The following CDYL2 variants were observed in gnomAD, a reference collection of about 807,000 sequenced individuals.
CDYL2 encodes chromodomain Y like 2.
A neutral mutation model predicts 49.4 loss-of-function variants in CDYL2; 23 were observed. That is an observed-to-expected ratio of 0.47 (90% CI 0.34 to 0.66). CDYL2 has a LOEUF of 0.66. Among genes scored for constraint, CDYL2 ranks in the 30% least tolerant of loss-of-function variants. The pLI, the probability that CDYL2 is intolerant of heterozygous loss-of-function variation, is 0.01. For synonymous variants in CDYL2, 360 were observed against 268.8 expected (o/e 1.34, Z -3.32); for missense variants, 678 against 656.4 (o/e 1.03, Z -0.36).
intron 4 of CDYL2, among the ~76,000 whole-genome samples, chr16:80,619,707 C>T (rs1305572065): frequency 6.6e-6 from 1 of 152,212 alleles, no homozygotes; most frequent in Non-Finnish European, 1.5e-5. Context: ...CATAACAGTG[C>T]CCAGGCTCGT....
intron 2 of CDYL2, among the ~76,000 whole-genome samples, chr16:80,677,388 C>A (rs571524153): frequency 8.5e-5 from 13 of 152,248 alleles, no homozygotes; most frequent in African/African-American, 3.1e-4. Context: ...GATTGAGTGG[C>A]ATGGAGTTAG....
At chr16:80,726,364 C>T (rs1452453562) in intron 1 of CDYL2, among the ~76,000 whole-genome samples, 1 of 152,146 alleles carries the variant, frequency 6.6e-6, no homozygotes, top group African/African-American at 2.4e-5. Context: ...CAAACAATAA[C>T]TGTATAAATC....
At chr16:80,628,849 G>A (rs185267799) in intron 3 of CDYL2, among the ~76,000 whole-genome samples, 226 of 152,260 alleles carry the variant, frequency 1.5e-3, no homozygotes, top group African/African-American at 4.9e-3. Flanking sequence ...GAGGAGGGGG[G>A]GGATATCAGA....
rs1327537957 is a variant in CDYL2, at chr16:80,684,542, C to G, written c.612G>C (p.Gly204=). The G allele has an allele frequency of 1.2e-6, 2 of 1,610,498 alleles. No homozygotes were observed. Among genetic ancestry groups the G allele is most frequent in the Non-Finnish European group, 1.7e-6 (2 of 1,177,580 alleles). The change falls in exon 2 of 7, where the codon GGG becomes GGC. Residue 204 remains glycine (G), a synonymous_variant. Transcript: ENST00000570137. ...AGAGAAAGAAAAGCTACAAACCGAG[C>G]CCGTTCTCCGCCAGTGTAGCGTGAT... The part of the protein sequence containing the change: ...DVNHATLAEN[G]LGSALTNGGL...
chr16:80,795,595 G>A (rs1004883753), intron 1 of CDYL2, among the ~76,000 whole-genome samples: 2 of 152,158 alleles, frequency 1.3e-5, no homozygotes, highest in South Asian at 2.1e-4. Flanking sequence ...TCAGGACCAA[G>A]AAGTGCTACT....
Position 80,779,973 on chromosome 16 carries a change from G to A in CDYL2, c.24+24177C>T, listed in dbSNP as rs1907209858. ...TATACTTATTAAGAAAGCATATAAT[G>A]AAGAGAAGAAAATGAGTTAAGATAG... On this transcript the variant is annotated intron_variant, in intron 1 of 6. Transcript: ENST00000570137. Among the ~76,000 whole-genome samples, 5 of 152,064 alleles carry A rather than the reference G, an allele frequency of 3.3e-5. No individual in the cohort carries two copies. The South Asian group carries it at 1.0e-3, about 32-fold the overall frequency.
chr16:80,703,082 A>T (rs1904311854), intron 1 of CDYL2, among the ~76,000 whole-genome samples: 1 of 152,214 alleles, frequency 6.6e-6, no homozygotes, highest in African/African-American at 2.4e-5. Context: ...GTTAATAAAA[A>T]TAGGAAACCC....
intron 2 of CDYL2, among the ~76,000 whole-genome samples, chr16:80,640,721 C>A (rs1165035091): frequency 1.3e-5 from 2 of 152,030 alleles, no homozygotes; most frequent in East Asian, 3.9e-4. Context: ...GGAATTCAGA[C>A]TTCGATTAGA....
chr16:80,624,252 T>C (rs1907209093), intron 3 of CDYL2, among the ~76,000 whole-genome samples: 1 of 152,198 alleles, frequency 6.6e-6, no homozygotes, highest in Admixed American at 6.5e-5. Flanking sequence ...TCAGCCCTTC[T>C]AGTCCTTCTG....
chr16:80,609,715 C>T (rs926536979), intron 5 of CDYL2, among the ~76,000 whole-genome samples: 3 of 152,144 alleles, frequency 2.0e-5, no homozygotes, highest in Admixed American at 2.0e-4. Flanking sequence ...CGGAAAGGCT[C>T]CTGGCCACCC....
Position 80,612,474 on chromosome 16 carries a change from T to A in CDYL2, c.1218+152A>T. On this transcript the variant is annotated intron_variant, in intron 5 of 6. Coordinates refer to ENST00000570137, the MANE Select transcript of CDYL2 (RefSeq NM_152342.4). This position sits in a 1 kb window ranked among gnomAD's most constrained non-coding sequence, Gnocchi z 5.0. ...CATCTTCTCAGGCCGGGCTACTCCA[T>A]CTGGCACTGAAGGTGTGAAGGACAT... is the stretch of plus-strand genomic sequence containing the variant. 1.5e-6 allele frequency: 1 copy of A among 683,544 alleles called. No individual in the cohort carries two copies. The highest frequency in any genetic ancestry group is 2.5e-6 in the Non-Finnish European group (1 of 405,964). 42.3% of individuals were successfully genotyped at this position (683,544 alleles called of 1,614,324 possible). A position where few individuals can be genotyped will look rare whatever the true frequency, so the allele number is the denominator to read the frequency against.
At chr16:80,673,828 T>G (rs575207026) in intron 2 of CDYL2, among the ~76,000 whole-genome samples, 302 of 152,290 alleles carry the variant, frequency 2.0e-3, no homozygotes, top group Non-Finnish European at 3.9e-3. Flanking sequence ...CTGTATTATC[T>G]TGGTTGGTTC....
At chr16:80,796,048 C>G (rs1465709180) in intron 1 of CDYL2, among the ~76,000 whole-genome samples, 1 of 152,174 alleles carries the variant, frequency 6.6e-6, no homozygotes, top group Non-Finnish European at 1.5e-5. Flanking sequence ...AGCAGAATCA[C>G]TAGAATATAT....
intron 1 of CDYL2, among the ~76,000 whole-genome samples, chr16:80,747,367 T>C (rs1478323196): frequency 6.6e-6 from 1 of 152,020 alleles, no homozygotes; most frequent in Admixed American, 6.6e-5. Flanking sequence ...ATTCTCATTA[T>C]TAAAAGGAGA....
intron 5 of CDYL2, among the ~76,000 whole-genome samples, chr16:80,611,158 G>A (rs904719361): frequency 1.3e-5 from 2 of 152,152 alleles, no homozygotes; most frequent in African/African-American, 4.8e-5. Context: ...GAACAAGGTG[G>A]GACCTCCTTC....
At chr16:80,781,620 G>C (rs544491388) in intron 1 of CDYL2, among the ~76,000 whole-genome samples, 1 of 152,162 alleles carries the variant, frequency 6.6e-6, no homozygotes, top group Non-Finnish European at 1.5e-5. Context: ...CTCCTGAATA[G>C]ACTACATGTT....
chr16:80,607,100 TA>T (rs1023029938), intron 6 of CDYL2, among the ~76,000 whole-genome samples: 42 of 152,162 alleles, frequency 2.8e-4, no homozygotes, highest in African/African-American at 9.4e-4. Context: ...TTAGTAAGAT[TA>T]AAAGAGAATC....
chr16:80,666,061 G>C (rs978363373), intron 2 of CDYL2, among the ~76,000 whole-genome samples: 1 of 152,160 alleles, frequency 6.6e-6, no homozygotes, highest in Non-Finnish European at 1.5e-5. Flanking sequence ...GAAGAGAAAT[G>C]AAGACTCATG....
intron 2 of CDYL2, among the ~76,000 whole-genome samples, chr16:80,667,477 A>G (rs1414563178): frequency 6.6e-6 from 1 of 152,056 alleles, no homozygotes; most frequent in East Asian, 1.9e-4. Flanking sequence ...CACCTCCTCC[A>G]AGAAGCCCTC....
Sources: allele counts gnomAD v4.1 joint callset (sites outside exome capture counted in the v4.1 genomes callset), GRCh38; gene constraint gnomAD v4.1.1; non-coding constraint Gnocchi (gnomAD v3.1); transcripts MANE v1.5; gene names NCBI Gene and HGNC (gene_info 2026-07-23, HGNC 2026-07-21).